HHLA2: variants seen among roughly 807,000 people sequenced by gnomAD.
HHLA2 encodes HHLA2 member of B7 family.
In HHLA2, 48 loss-of-function variants were observed where a neutral mutation model predicts 45.9. That is an observed-to-expected ratio of 1.05 (90% CI 0.83 to 1.33). HHLA2 has a LOEUF of 1.33. HHLA2 is among the 40% of genes most tolerant of loss of function. The pLI is 0.00. For synonymous variants in HHLA2, 161 were observed against 173.9 expected, an observed-to-expected ratio of 0.93 and a Z score of 0.59; for missense variants, 462 against 494.3, an observed-to-expected ratio of 0.93 and a Z score of 0.62.
intron 2 of HHLA2, among the ~76,000 whole-genome samples, chr3:108,315,622 C>A (rs2081088175): frequency 1.3e-5 from 2 of 152,220 alleles, no homozygotes; most frequent in African/African-American, 4.8e-5. Context: ...ATATAAGCCT[C>A]ATGGGAGAAT....
intron 7 of HHLA2, among the ~76,000 whole-genome samples, chr3:108,359,290 T>C (rs949760519): frequency 6.6e-6 from 1 of 152,048 alleles, no homozygotes; most frequent in East Asian, 1.9e-4. Flanking sequence ...GACCATTCCA[T>C]CTCTGACAAA....
intron 3 of HHLA2, among the ~76,000 whole-genome samples, chr3:108,332,595 A>G (rs2081405413): frequency 6.6e-6 from 1 of 152,180 alleles, no homozygotes; most frequent in African/African-American, 2.4e-5. Context: ...GTGTGTGCCC[A>G]ACTCATGCAA....
chr3:108,308,245 G>C (rs1485572397), intron 1 of HHLA2, among the ~76,000 whole-genome samples: 1 of 152,170 alleles, frequency 6.6e-6, no homozygotes, highest in East Asian at 1.9e-4. Context: ...TCCAACAAAC[G>C]AGTGAGAACA....
intron 1 of HHLA2, among the ~76,000 whole-genome samples, chr3:108,306,750 T>C (rs1282686035): frequency 6.6e-6 from 1 of 152,242 alleles, no homozygotes; most frequent in South Asian, 2.1e-4. Context: ...GTTTGTCTAT[T>C]GTCAATTTGT....
At chr3:108,327,755 G>A (rs2081311344) in intron 2 of HHLA2, among the ~76,000 whole-genome samples, 1 of 152,104 alleles carries the variant, frequency 6.6e-6, no homozygotes, top group South Asian at 2.1e-4. Flanking sequence ...AAGTGCATGC[G>A]AGTTTTATTT....
In HHLA2 at chr3:108,355,195, C is replaced by T. The variant is rs756495530; in HGVS notation, c.499C>T (p.Arg167Cys). ...ATGCAGCGTGTTAAGTGTTTATCCT[C>T]GTCCAATTATCACGTGGAAAATGGA... Residue 167 changes from arginine to cysteine, a missense_variant, in exon 6 of 11, where the codon CGT (arginine) becomes TGT (cysteine). This residue lies in a region of HHLA2 where 335 missense variants were observed against 367.4 expected (regional missense o/e 0.91). Transcript: ENST00000619531. The T allele has an allele frequency of 8.1e-6, 13 of 1,613,590 alleles. No homozygotes were observed. The highest frequency in any genetic ancestry group is 1.1e-5 in the Non-Finnish European group (13 of 1,179,780).
At chr3:108,312,736 T>G (rs1408967694) in intron 2 of HHLA2, among the ~76,000 whole-genome samples, 1 of 152,244 alleles carries the variant, frequency 6.6e-6, no homozygotes, top group Non-Finnish European at 1.5e-5. Context: ...TTCTCTGTCC[T>G]ACTTCCTTGA....
At chr3:108,346,843 G>A (rs1316260112) in intron 3 of HHLA2, among the ~76,000 whole-genome samples, 3 of 152,186 alleles carry the variant, frequency 2.0e-5, no homozygotes, top group Non-Finnish European at 4.4e-5. Flanking sequence ...AATTTAGTCT[G>A]GAGCTATTAA....
chr3:108,310,885 C>T (rs982806791), intron 2 of HHLA2, 144 bp downstream of exon 2: 2 of 152,478 alleles, frequency 1.3e-5, no homozygotes, highest in Non-Finnish European at 2.9e-5. Flanking sequence ...TATTCCTACA[C>T]AAAAATACTA....
At chr3:108,342,905 C>T (rs1354608444) in intron 3 of HHLA2, among the ~76,000 whole-genome samples, 1 of 152,148 alleles carries the variant, frequency 6.6e-6, no homozygotes, top group Non-Finnish European at 1.5e-5. Flanking sequence ...TTCCTGTTTC[C>T]TTCCACAGCA....
chr3:108,303,921 C>A (rs2080887745), intron 1 of HHLA2, among the ~76,000 whole-genome samples: 1 of 152,108 alleles, frequency 6.6e-6, no homozygotes, highest in African/African-American at 2.4e-5. Context: ...TTTGTGTTCT[C>A]TCATTTGCTT....
At chr3:108,352,791 T>C (rs2081803988) in intron 4 of HHLA2, among the ~76,000 whole-genome samples, 1 of 152,194 alleles carries the variant, frequency 6.6e-6, no homozygotes, top group Non-Finnish European at 1.5e-5. Context: ...TCTCCAGATA[T>C]TCCTTACCTA....
chr3:108,321,678 G>A (rs950382572), intron 2 of HHLA2, among the ~76,000 whole-genome samples: 4 of 151,904 alleles, frequency 2.6e-5, no homozygotes, highest in African/African-American at 9.7e-5. Flanking sequence ...CTTTTTTTCA[G>A]TAATAGCAAT....
chr3:108,350,933 C>T (rs757006607), intron 3 of HHLA2, among the ~76,000 whole-genome samples: 2 of 152,194 alleles, frequency 1.3e-5, no homozygotes, highest in Admixed American at 6.6e-5. Context: ...GATCCTCTTG[C>T]CTTGGCCTCC....
chr3:108,341,686 G>A (rs887398415), intron 3 of HHLA2, among the ~76,000 whole-genome samples: 14 of 152,130 alleles, frequency 9.2e-5, no homozygotes, highest in South Asian at 2.1e-4. Flanking sequence ...TTCATTATGC[G>A]TTACTTTCAA....
At chr3:108,341,076 C>T (rs973299257) in intron 3 of HHLA2, among the ~76,000 whole-genome samples, 4 of 151,882 alleles carry the variant, frequency 2.6e-5, no homozygotes, top group Admixed American at 1.3e-4. Flanking sequence ...CCTCAGGCTC[C>T]TGAGTAGCTG....
At chr3:108,364,570 C>T (rs1421232403) in intron 8 of HHLA2, among the ~76,000 whole-genome samples, 1 of 152,246 alleles carries the variant, frequency 6.6e-6, no homozygotes, top group Non-Finnish European at 1.5e-5. Flanking sequence ...AATCGCCACA[C>T]TGTCTTCCAC....
intron 5 of HHLA2, 68 bp from the exon 5 acceptor site, chr3:108,355,047 C>A: frequency 6.8e-7 from 1 of 1,465,136 alleles, no homozygotes; most frequent in Non-Finnish European, 9.2e-7. Flanking sequence ...AAAAAGTATT[C>A]TGCACAGACG....
At chr3:108,333,617 AAAAAATTAAT>A (rs1358286644) in intron 3 of HHLA2, among the ~76,000 whole-genome samples, 1 of 151,560 alleles carries the variant, frequency 6.6e-6, no homozygotes, top group African/African-American at 2.4e-5. Context: ...AAAAAAAAAA[AAAAAATTAAT>A]TTAAATTCAG....
Sources: allele counts gnomAD v4.1 joint callset (sites outside exome capture counted in the v4.1 genomes callset), GRCh38; gene constraint gnomAD v4.1.1; regional missense constraint gnomAD v4.1.1; transcripts MANE v1.5; gene names NCBI Gene and HGNC (gene_info 2026-07-23, HGNC 2026-07-21).